ATP11A: variants seen among roughly 807,000 people sequenced by gnomAD.
ATP11A encodes the protein phospholipid-transporting ATPase IH.
A neutral mutation model predicts 154.4 loss-of-function variants in ATP11A; 81 were observed. The observed-to-expected ratio is 0.52, with a 90% CI of 0.44 to 0.63. The LOEUF is 0.63. Among genes scored for constraint, ATP11A ranks in the 30% least tolerant of loss-of-function variants. The pLI, the probability that ATP11A is intolerant of heterozygous loss-of-function variation, is 0.00. For missense variants in ATP11A, 1,316 were observed against 1,474.3 expected, an observed-to-expected ratio of 0.89 and a Z score of 1.76; for synonymous variants, 623 against 585.9, an observed-to-expected ratio of 1.06 and a Z score of -0.91.
chr13:112,810,386 G>T (rs934657827), intron 4 of ATP11A, among the ~76,000 whole-genome samples: 1 of 152,202 alleles, frequency 6.6e-6, no homozygotes, highest in African/African-American at 2.4e-5. Context: ...TTTCTCCAAC[G>T]TCTTCGAAGT....
At chr13:112,862,030 T>TCAGGCGTAAGGTGTCACAG (rs1566585775) in intron 24 of ATP11A, among the ~76,000 whole-genome samples, 4 of 48,342 alleles carry the variant, frequency 8.3e-5, no homozygotes, top group Admixed American at 3.1e-4. Context: ...AGGCGTCACG[T>TCAGGCGTAAGGTGTCACAG]CAGGCGTAAG....
At chr13:112,797,304 AAG>A in intron 2 of ATP11A, among the ~76,000 whole-genome samples, 2 of 151,182 alleles carry the variant, frequency 1.3e-5, no homozygotes, top group Non-Finnish European at 3.0e-5. Flanking sequence ...AAAAAAAAAA[AAG>A]GTAAACCATA....
intron 1 of ATP11A, among the ~76,000 whole-genome samples, chr13:112,779,915 A>G (rs571573559): frequency 6.7e-6 from 1 of 149,902 alleles, no homozygotes; most frequent in South Asian, 2.1e-4. Context: ...ATTAAAAAGA[A>G]AAAAAAAAAA....
rs77999509 is a variant in ATP11A at position 112,840,807 on chromosome 13, G to A, written c.1706-1469G>A. On this transcript the variant is annotated intron_variant, in intron 16 of 29. Transcript: ENST00000375645. ...CCCCTGTTCCTACTCCTGAGTCCTC[G>A]TCCAAGCTCCAGGCCTTGGATCCGG... Among the ~76,000 whole-genome samples the A allele has an allele frequency of 3.3e-3, 497 of 152,014 alleles. 1 individual carries two copies. Among genetic ancestry groups the A allele is most frequent in the African/African-American group, 0.01 (433 of 41,488 alleles).
At chr13:112,799,480 A>G (rs924599161) in intron 2 of ATP11A, among the ~76,000 whole-genome samples, 1 of 151,970 alleles carries the variant, frequency 6.6e-6, no homozygotes, top group Admixed American at 6.5e-5. Flanking sequence ...AAAGGTGGTT[A>G]TCCCTTGTGG....
intron 1 of ATP11A, among the ~76,000 whole-genome samples, chr13:112,734,191 C>T (rs1403163999): frequency 3.3e-5 from 5 of 152,090 alleles, no homozygotes; most frequent in South Asian, 2.1e-4. Context: ...GCCCTCTGGA[C>T]GTGGCCTCCC....
At chr13:112,777,632 G>C (rs943322983) in intron 1 of ATP11A, among the ~76,000 whole-genome samples, 2 of 152,220 alleles carry the variant, frequency 1.3e-5, no homozygotes, top group Admixed American at 6.5e-5. Flanking sequence ...TAGCTGCATT[G>C]ATGCAATTTG....
intron 25 of ATP11A, among the ~76,000 whole-genome samples, chr13:112,865,105 A>C (rs1334934315): frequency 1.0e-5 from 1 of 99,578 alleles, no homozygotes. Context: ...AGTGCAGCCC[A>C]TGCAGCTTCC....
At chr13:112,724,351 C>A (rs996782891) in intron 1 of ATP11A, among the ~76,000 whole-genome samples, 3 of 151,696 alleles carry the variant, frequency 2.0e-5, no homozygotes, top group Admixed American at 1.3e-4. Flanking sequence ...CAGGGAGGGC[C>A]CTGTGACTCA....
rs368243739 is a variant in ATP11A, at chr13:112,859,558, G to A, written c.2727+106G>A. 4.0e-4 allele frequency: 393 copies of A among 971,178 alleles called. 1 individual carries two copies. In the African/African-American group the frequency reaches 5.2e-3, roughly 13 times the overall value. 60.2% of individuals were successfully genotyped at this position (971,178 alleles called of 1,614,324 possible). On this transcript the variant is annotated intron_variant, in intron 23 of 29. Coordinates refer to ENST00000375645, the MANE Select transcript of ATP11A (RefSeq NM_015205.3). This position sits in a 1 kb window ranked among gnomAD's most constrained non-coding sequence, Gnocchi z 4.3. ...GACTTGGGAATGAGCAGCACTCCCC[G>A]GCACCACGAGGGAGCCAGGGTGCCC...
intron 2 of ATP11A, among the ~76,000 whole-genome samples, chr13:112,791,552 A>C (rs1458156383): frequency 1.3e-5 from 2 of 152,228 alleles, no homozygotes; most frequent in Non-Finnish European, 2.9e-5. Context: ...GTCATTGCCC[A>C]TGGCGGCTTT....
chr13:112,838,174 G>T lies in ATP11A; in HGVS notation c.1705+1923G>T, dbSNP rs555558142. The stretch of plus-strand genomic sequence containing the variant: ...AGGGTCTGAGAACAGGTTCAGATGC[G>T]CGAGACTTCTGTGTGTCAGAACCCT... On this transcript the variant is annotated intron_variant, in intron 16 of 29. Transcript: ENST00000375645. This position sits in a 1 kb window ranked among gnomAD's most constrained non-coding sequence, Gnocchi z 7.3. 6.6e-6 allele frequency among the ~76,000 whole-genome samples: 1 copy of T among 152,270 alleles called. No homozygotes were observed. The highest frequency in any genetic ancestry group is 1.9e-4 in the East Asian group (1 of 5,184).
intron 1 of ATP11A, among the ~76,000 whole-genome samples, chr13:112,749,722 CCT>C (rs1416052103): frequency 6.8e-6 from 1 of 146,598 alleles, no homozygotes; most frequent in Non-Finnish European, 1.5e-5. Flanking sequence ...TCCCCTTCAG[CCT>C]CTCGTGAATT....
At chr13:112,740,146 CTCTATA>C (rs1368134551) in intron 1 of ATP11A, among the ~76,000 whole-genome samples, 123 of 112,516 alleles carry the variant, frequency 1.1e-3, no homozygotes, top group East Asian at 2.8e-3. Context: ...CTCTCTCTCT[CTCTATA>C]TATATATATA....
In ATP11A at chr13:112,785,203, C is replaced by T. The variant is rs753156635; in HGVS notation, c.108C>T (p.Gly36=). 42 of 1,577,322 alleles carry T rather than the reference C, an allele frequency of 2.7e-5. No individual in the cohort carries two copies. The highest frequency in any genetic ancestry group is 3.7e-5 in the Admixed American group (2 of 54,094). ...TGGGACACAGGGAGCCACCTCCGGG[C>T]GCAGAGGCCTACATCCCACAGAGAT... ...IYVGHREPPP[G]AEAYIPQRYP... Residue 36 remains glycine, a synonymous_variant, in exon 2 of 30, where the codon GGC becomes GGT. Transcript: ENST00000375645. The surrounding 1 kb of genome is among the most constrained non-coding windows in gnomAD (Gnocchi z 4.8).
intron 16 of ATP11A, among the ~76,000 whole-genome samples, chr13:112,837,879 A>G (rs2079282663): frequency 6.6e-6 from 1 of 151,836 alleles, no homozygotes; most frequent in Non-Finnish European, 1.5e-5. Flanking sequence ...TGTGAGTCAT[A>G]GCGGCTCTGG....
At chr13:112,798,297 G>A (rs376474899) in intron 2 of ATP11A, among the ~76,000 whole-genome samples, 1 of 152,132 alleles carries the variant, frequency 6.6e-6, no homozygotes, top group African/African-American at 2.4e-5. Flanking sequence ...TTGCTTTTTT[G>A]TTGTTTTTTA....
At chr13:112,747,483 C>CA (rs1369821017) in intron 1 of ATP11A, 30 of 151,940 alleles carry the variant, frequency 2.0e-4, no homozygotes, top group African/African-American at 7.0e-4. Flanking sequence ...TTCAAAGAAA[C>CA]AGAGAGTGCA....
chr13:112,882,443 A>G lies in ATP11A; in HGVS notation c.*577A>G. On this transcript the variant is annotated 3_prime_UTR_variant, in exon 30 of 30. Transcript: ENST00000375645. The surrounding 1 kb of genome is among the most constrained non-coding windows in gnomAD (Gnocchi z 5.1). ...CCATGCCCTCCATAGGGTGAGGTGG[A>G]GCCATGGTGGTGCGTCCTTTACTCA... is the stretch of plus-strand genomic sequence containing the variant. 2.3e-6 allele frequency: 1 copy of G among 441,204 alleles called. No individual in the cohort carries two copies. The highest frequency in any genetic ancestry group is 4.1e-6 in the Non-Finnish European group (1 of 245,606). The allele number at this position is 441,204 out of a possible 1,614,324, so 27.3% of individuals were successfully genotyped here.
Sources: gnomAD v4.1 joint callset for allele counts (sites outside exome capture counted in the v4.1 genomes callset) on GRCh38, gnomAD v4.1.1 for gene constraint, Gnocchi (gnomAD v3.1) non-coding constraint, MANE v1.5 for transcripts, NCBI Gene and HGNC (gene_info 2026-07-23, HGNC 2026-07-21) for gene names.